FAT3: variants seen among roughly 807,000 people sequenced by gnomAD.
The protein encoded by FAT3 is protocadherin Fat 3.
In FAT3, 95 loss-of-function variants were observed where a neutral mutation model predicts 310.2. That is an observed-to-expected ratio of 0.31 (90% CI 0.26 to 0.36). The LOEUF is 0.36. Among genes scored for constraint, FAT3 ranks in the 10% least tolerant of loss-of-function variants. FAT3 has a pLI of 1.00. For synonymous variants in FAT3, 2,314 were observed against 2,192.9 expected, an observed-to-expected ratio of 1.06 and a Z score of -1.54; for missense variants, 5,408 against 5,715.6, an observed-to-expected ratio of 0.95 and a Z score of 1.74.
At chr11:92,451,623 C>A (rs1265618833) in intron 2 of FAT3, among the ~76,000 whole-genome samples, 1 of 152,126 alleles carries the variant, frequency 6.6e-6, no homozygotes, top group Non-Finnish European at 1.5e-5. Context: ...TGTTCCTTTT[C>A]ATGTGACTGT....
At chr11:92,341,000 A>T (rs1045288459) in intron 1 of FAT3, among the ~76,000 whole-genome samples, 3 of 151,954 alleles carry the variant, frequency 2.0e-5, no homozygotes, top group African/African-American at 7.3e-5. Context: ...CTGTGGCAGC[A>T]CCTCTAGGGG....
chr11:92,416,543 G>A lies in FAT3; in HGVS notation c.3292+61139G>A, dbSNP rs151002599. 3.2e-4 allele frequency among the ~76,000 whole-genome samples: 49 copies of A among 152,262 alleles called. 1 individual carries two copies. In the East Asian group the frequency reaches 8.9e-3, roughly 28 times the overall value. On this transcript the variant is annotated intron_variant, in intron 2 of 27. Coordinates refer to ENST00000525166, the MANE Select transcript of FAT3 (RefSeq NM_001367949.2). ...CACATTTTTCTCTAATTGGGAAAAT[G>A]GATATGATGTTTTCTTAAGCGCATC...
chr11:92,804,643 CT>C (rs1459141651), intron 10 of FAT3, among the ~76,000 whole-genome samples: 1 of 152,164 alleles, frequency 6.6e-6, no homozygotes, highest in Non-Finnish European at 1.5e-5. Context: ...GTCGTGAAAA[CT>C]TTTCTCCGCC....
At chr11:92,411,133 ATAT>A (rs1950255984) in intron 2 of FAT3, among the ~76,000 whole-genome samples, 1 of 110,390 alleles carries the variant, frequency 9.1e-6, no homozygotes, top group South Asian at 3.1e-4. Flanking sequence ...TATATATTAT[ATAT>A]TATATATATA....
intron 19 of FAT3, among the ~76,000 whole-genome samples, chr11:92,852,668 A>G (rs909649730): frequency 6.6e-5 from 10 of 152,200 alleles, no homozygotes; most frequent in Non-Finnish European, 2.9e-5. Context: ...ATGATTATAT[A>G]TCTAATATTT....
chr11:92,881,304 A>G (rs1949665778), intron 23 of FAT3, among the ~76,000 whole-genome samples: 1 of 152,188 alleles, frequency 6.6e-6, no homozygotes, highest in Non-Finnish European at 1.5e-5. Context: ...TTCCCTTTGC[A>G]AACCTTTCTT....
intron 18 of FAT3, 106 bp from the exon 19 acceptor site, chr11:92,843,828 A>G: frequency 9.2e-7 from 1 of 1,082,534 alleles, no homozygotes; most frequent in Non-Finnish European, 1.4e-6. Flanking sequence ...GGAATGAAGG[A>G]AGAAGCAAAC....
intron 19 of FAT3, 26 bp downstream of exon 19, chr11:92,844,758 C>T: frequency 1.3e-6 from 2 of 1,481,650 alleles, no homozygotes; most frequent in Non-Finnish European, 1.8e-6. Flanking sequence ...AGTGTTCCCT[C>T]TCAACTCCTG....
intron 1 of FAT3, among the ~76,000 whole-genome samples, chr11:92,269,432 T>G (rs1295004456): frequency 6.6e-6 from 1 of 152,124 alleles, no homozygotes; most frequent in Non-Finnish European, 1.5e-5. Flanking sequence ...TCCTATTGAT[T>G]TAGTTTTATT....
chr11:92,590,850 T>G (rs1460046974), intron 3 of FAT3, among the ~76,000 whole-genome samples: 3 of 152,136 alleles, frequency 2.0e-5, no homozygotes, highest in African/African-American at 7.2e-5. Flanking sequence ...TGTAAACAAC[T>G]CTCTGTCTCA....
chr11:92,468,548 G>A (rs544102795), intron 2 of FAT3, among the ~76,000 whole-genome samples: 44 of 152,240 alleles, frequency 2.9e-4, no homozygotes, highest in Non-Finnish European at 4.4e-4. Flanking sequence ...AATGTTTGGA[G>A]GGTGTATTAG....
At chr11:92,571,226 C>T (rs1955654642) in intron 3 of FAT3, among the ~76,000 whole-genome samples, 1 of 152,110 alleles carries the variant, frequency 6.6e-6, no homozygotes, top group Non-Finnish European at 1.5e-5. Flanking sequence ...ACTGGATGGA[C>T]AAGATACATA....
rs924180286 is a variant in FAT3 at position 92,847,419 on chromosome 11, T to C, written c.11365+2687T>C. On this transcript the variant is annotated intron_variant, in intron 19 of 27. Coordinates refer to ENST00000525166, the MANE Select transcript of FAT3 (RefSeq NM_001367949.2). Reference sequence around the variant, plus strand: ...TCTAGGTTTGTGTAAGCGCACTCTATGATGTTTGCACAATGACGAAATAGC... The same window carrying C: ...TCTAGGTTTGTGTAAGCGCACTCTACGATGTTTGCACAATGACGAAATAGC... Among the ~76,000 whole-genome samples the C allele has an allele frequency of 4.6e-5, 7 of 152,284 alleles. No homozygotes were observed. The South Asian group carries it at 1.5e-3, about 32-fold the overall frequency.
Position 92,354,125 on chromosome 11 carries a change from C to G in FAT3, c.2013C>G (p.Val671=), listed in dbSNP as rs747540079. The G allele has an allele frequency of 6.2e-7, 1 of 1,613,602 alleles. No individual in the cohort carries two copies. Among genetic ancestry groups the G allele is most frequent in the East Asian group, 2.2e-5 (1 of 44,880 alleles). The part of the protein sequence containing the change: ...LADPMSINIS[V]LHGKVSSKSF... Reference sequence around the variant, plus strand: ...ACCCCATGTCTATTAACATTTCAGTCCTACATGGGAAAGTGTCTTCAAAGA... The same window carrying G: ...ACCCCATGTCTATTAACATTTCAGTGCTACATGGGAAAGTGTCTTCAAAGA... Residue 671 remains valine (V), a synonymous_variant, in exon 2 of 28, where the codon GTC becomes GTG. Transcript: ENST00000525166.
chr11:92,682,447 T>G (rs914466840), intron 3 of FAT3, among the ~76,000 whole-genome samples: 2 of 152,200 alleles, frequency 1.3e-5, no homozygotes, highest in South Asian at 2.1e-4. Context: ...AAGCATTGTT[T>G]GAATGAATCT....
At position 92,430,280 on chromosome 11, in the gene FAT3, C is replaced by T. The variant is rs1291129611; in HGVS notation, c.3292+74876C>T. On this transcript the variant is annotated intron_variant, in intron 2 of 27. Coordinates refer to ENST00000525166, the MANE Select transcript of FAT3 (RefSeq NM_001367949.2). ...TTATTCCAGTTAGCAGTTCTTGCAACCTCTTATCAATGTTCTTAGCTTCCT... is the reference window on the plus strand; with the variant it reads ...TTATTCCAGTTAGCAGTTCTTGCAATCTCTTATCAATGTTCTTAGCTTCCT... Among the ~76,000 whole-genome samples the T allele has an allele frequency of 2.6e-5, 4 of 152,072 alleles. No homozygotes were observed. The East Asian group carries it at 7.7e-4, about 29-fold the overall frequency.
intron 2 of FAT3, among the ~76,000 whole-genome samples, chr11:92,392,220 T>C (rs1949766138): frequency 6.6e-6 from 1 of 152,212 alleles, no homozygotes; most frequent in Non-Finnish European, 1.5e-5. Flanking sequence ...GAATGTTCCA[T>C]ACATTTTCCT....
At chr11:92,293,193 T>C (rs1946743303) in intron 1 of FAT3, among the ~76,000 whole-genome samples, 1 of 151,536 alleles carries the variant, frequency 6.6e-6, no homozygotes, top group African/African-American at 2.4e-5. Flanking sequence ...CTTTTTGGTT[T>C]CCTATAAGAG....
In FAT3 at chr11:92,465,202, A is replaced by C. The variant is rs557948013; in HGVS notation, c.3293-59432A>C. Among the ~76,000 whole-genome samples the C allele has an allele frequency of 1.7e-3, 260 of 152,336 alleles. 1 individual carries two copies. The highest frequency in any genetic ancestry group is 5.6e-3 in the African/African-American group (232 of 41,588). The stretch of plus-strand genomic sequence containing the variant: ...CTGAATCAATTTATTTTTCCCGTAC[A>C]TGTGAAAACTACTAATTGAAAGCTA... On this transcript the variant is annotated intron_variant, in intron 2 of 27. Coordinates refer to ENST00000525166, the MANE Select transcript of FAT3 (RefSeq NM_001367949.2).
Sources: gnomAD v4.1 joint callset for allele counts (sites outside exome capture counted in the v4.1 genomes callset) on GRCh38, gnomAD v4.1.1 for gene constraint, MANE v1.5 for transcripts, NCBI Gene and HGNC (gene_info 2026-07-23, HGNC 2026-07-21) for gene names.